Variants in FAM118B observed in about 807,000 individuals in gnomAD.
FAM118B encodes SIR2 antiphage like 1, also known as protein FAM118B.
FAM118B carries 24 observed loss-of-function variants against 38.5 expected under a neutral mutation model. That is an observed-to-expected ratio of 0.62 (90% CI 0.45 to 0.88). The LOEUF is 0.88. Ranked by LOEUF, FAM118B falls within the 40% of genes least tolerant of loss-of-function variation. The probability of loss-of-function intolerance (pLI) is 0.00; values close to 1 mark genes in which losing one functional copy is unlikely to be tolerated. For synonymous variants in FAM118B, 138 were observed against 156.3 expected, an observed-to-expected ratio of 0.88 and a Z score of 0.87; for missense variants, 334 against 420.0, an observed-to-expected ratio of 0.80 and a Z score of 1.79.
At chr11:126,224,475 C>CAAAA (rs58005174) in intron 1 of FAM118B, among the ~76,000 whole-genome samples, 2 of 93,246 alleles carry the variant, frequency 2.1e-5, no homozygotes, top group Non-Finnish European at 4.1e-5. Context: ...GACCCTGTCT[C>CAAAA]AAAAAAAAAA....
intron 7 of FAM118B, among the ~76,000 whole-genome samples, chr11:126,257,978 C>T (rs1190515633): frequency 2.0e-5 from 3 of 152,134 alleles, no homozygotes; most frequent in Non-Finnish European, 4.4e-5. Context: ...TTCAAAACCT[C>T]ACATTGCCAG....
rs375152749 is a variant in FAM118B at position 126,256,886 on chromosome 11, G to C, written c.982+34G>C. The C allele has an allele frequency of 2.0e-5, 31 of 1,574,098 alleles. No homozygotes were observed. Among genetic ancestry groups the C allele is most frequent in the Admixed American group, 3.6e-5 (2 of 55,414 alleles). On this transcript the variant is annotated intron_variant, in intron 7 of 8. Transcript: ENST00000533050. This position sits in a 1 kb window ranked among gnomAD's most constrained non-coding sequence, Gnocchi z 6.6. The stretch of plus-strand genomic sequence containing the variant: ...CATTTTGAAGCTGAGGGGAATCAGA[G>C]AACAACAGCTCTTCAGCCTTTTGTG...
At chr11:126,233,862 T>A (rs140537857) in intron 2 of FAM118B, 71 of 399,296 alleles carry the variant, frequency 1.8e-4, no homozygotes, top group African/African-American at 1.4e-3. Flanking sequence ...GCTGGAAGAT[T>A]ACTTGAGCTC....
chr11:126,247,031 G>A (rs566313578), intron 4 of FAM118B, among the ~76,000 whole-genome samples: 24 of 152,298 alleles, frequency 1.6e-4, no homozygotes, highest in African/African-American at 5.3e-4. Flanking sequence ...GGTGGTACAC[G>A]CCTGTGGTCC....
chr11:126,216,239 GGTGGTGT>G (rs1591498333), intron 1 of FAM118B, among the ~76,000 whole-genome samples: 2 of 151,868 alleles, frequency 1.3e-5, no homozygotes, highest in African/African-American at 2.4e-5. Flanking sequence ...AGCTGAGCAT[GGTGGTGT>G]GTGCCTGTAA....
In FAM118B at chr11:126,254,340, C is replaced by G. The variant is rs556956779; in HGVS notation, c.603C>G (p.Ser201Arg). Residue 201 changes from serine (S) to arginine (R), a missense_variant, in exon 6 of 9, where the codon AGC becomes AGG. Physicochemically the swap from Ser to Arg is moderately radical, Grantham distance 110 (BLOSUM62 -1). This residue lies in a region of FAM118B where 240 missense variants were observed against 295.9 expected (regional missense o/e 0.81). Transcript: ENST00000533050. ...LEWAQEKRKLSVLHIHGVYTN... is the reference protein window; with the variant it reads ...LEWAQEKRKLRVLHIHGVYTN... ...GGGCTCAGGAGAAGCGTAAGCTGAG[C>G]GTGTTGCATATTCACGGAGTCTACA... is the stretch of plus-strand genomic sequence containing the variant. 1 of 1,613,586 alleles carries G rather than the reference C, an allele frequency of 6.2e-7. No individual in the cohort carries two copies. The highest frequency in any genetic ancestry group is 2.2e-5 in the East Asian group (1 of 44,838).
At chr11:126,254,531 AG>A in intron 6 of FAM118B, 98 bp downstream of exon 6, 2 of 1,506,928 alleles carry the variant, frequency 1.3e-6, no homozygotes, top group Non-Finnish European at 1.8e-6. Context: ...CTTTTCATTA[AG>A]TGAAAACGGA....
intron 4 of FAM118B, among the ~76,000 whole-genome samples, chr11:126,249,969 A>G (rs1200693460): frequency 6.6e-6 from 1 of 151,956 alleles, no homozygotes; most frequent in Non-Finnish European, 1.5e-5. Context: ...AAAAATGCCT[A>G]TTTTAGGAAG....
At chr11:126,229,327 T>C (rs1950180080) in intron 2 of FAM118B, 34 bp downstream of exon 2, 1 of 152,244 alleles carries the variant, frequency 6.6e-6, no homozygotes, top group Non-Finnish European at 1.5e-5. Context: ...CAACTTCTAA[T>C]TCAAATTAGG....
intron 1 of FAM118B, chr11:126,214,516 T>TTTTTTTTTTTTTTTTTG (rs1949952721): frequency 1.1e-5 from 1 of 92,512 alleles, no homozygotes; most frequent in African/African-American, 3.8e-5. Flanking sequence ...TTTTTTTTGT[T>TTTTTTTTTTTTTTTTTG]TTTTTTTTTT....
rs117887583 is a variant in FAM118B at position 126,229,302 on chromosome 11, A to G, written c.-8+9A>G. 6.6e-6 allele frequency: 1 copy of G among 152,236 alleles called. No individual in the cohort carries two copies. The highest frequency in any genetic ancestry group is 1.5e-5 in the Non-Finnish European group (1 of 68,048). The allele number at this position is 152,236 out of a possible 1,614,324, so 9.4% of individuals were successfully genotyped here. The stretch of plus-strand genomic sequence containing the variant: ...TTGTCATTCTTTGCACGGTAAAATC[A>G]TCACCTCCAGTCACCAACTTCTAAT... On this transcript the variant is annotated intron_variant, in intron 2 of 8. Coordinates refer to ENST00000533050, the MANE Select transcript of FAM118B (RefSeq NM_024556.4).
chr11:126,218,673 T>C (rs964452895), intron 1 of FAM118B, among the ~76,000 whole-genome samples: 1 of 152,184 alleles, frequency 6.6e-6, no homozygotes, highest in African/African-American at 2.4e-5. Context: ...TCATTTCTGT[T>C]TTGTTTTTTG....
At chr11:126,224,329 C>T (rs369343472) in intron 1 of FAM118B, among the ~76,000 whole-genome samples, 5 of 151,758 alleles carry the variant, frequency 3.3e-5, no homozygotes, top group East Asian at 1.9e-4. Flanking sequence ...AGAAATTAGC[C>T]GGGTATGGTG....
chr11:126,237,453 A>T lies in FAM118B; in HGVS notation c.86+2366A>T, dbSNP rs113487240. On this transcript the variant is annotated intron_variant, in intron 3 of 8. Coordinates refer to ENST00000533050, the MANE Select transcript of FAM118B (RefSeq NM_024556.4). The stretch of plus-strand genomic sequence containing the variant: ...GGTTTTCACCATGTTGACCAGGCTG[A>T]TCTCAAACTCCTGACCTCAAGTGAT... 3.0e-3 allele frequency among the ~76,000 whole-genome samples: 433 copies of T among 142,410 alleles called. 2 individuals are homozygous for T. The highest frequency in any genetic ancestry group is 0.011 in the African/African-American group (417 of 39,140). The allele number at this position is 142,410 out of a possible 152,430, so 93.4% of individuals were successfully genotyped here. A position where few individuals can be genotyped will look rare whatever the true frequency, so the allele number is the denominator to read the frequency against.
At position 126,257,604 on chromosome 11, in the gene FAM118B, C is replaced by CT. The variant is rs1482754314; in HGVS notation, c.982+752_982+753insT. Among the ~76,000 whole-genome samples the CT allele has an allele frequency of 4.7e-5, 5 of 105,896 alleles. No homozygotes were observed. The South Asian group carries it at 1.4e-3, about 30-fold the overall frequency. 69.5% of individuals were successfully genotyped at this position (105,896 alleles called of 152,430 possible). Reference sequence around the variant, plus strand: ...TCAGCTATATTCATATAGAATTGTACATTTTTTTTTTTTTTTTGGTGCGTG... The same window carrying CT: ...TCAGCTATATTCATATAGAATTGTACTATTTTTTTTTTTTTTTTGGTGCGTG... On this transcript the variant is annotated intron_variant, in intron 7 of 8. Coordinates refer to ENST00000533050, the MANE Select transcript of FAM118B (RefSeq NM_024556.4).
chr11:126,261,351 C>T, intron 7 of FAM118B, 74 bp from the exon 8 acceptor site: 1 of 1,227,086 alleles, frequency 8.1e-7, no homozygotes, highest in East Asian at 2.3e-5. Flanking sequence ...TCCTCATCTC[C>T]CTTTAGTTTT....
chr11:126,222,865 A>T (rs1198732151), intron 1 of FAM118B, among the ~76,000 whole-genome samples: 2 of 152,210 alleles, frequency 1.3e-5, no homozygotes, highest in Non-Finnish European at 2.9e-5. Context: ...TAAATTAGAC[A>T]CTGTACTCGC....
intron 4 of FAM118B, 105 bp downstream of exon 4, chr11:126,241,149 A>C: frequency 8.3e-7 from 1 of 1,205,256 alleles, no homozygotes; most frequent in Non-Finnish European, 1.2e-6. Context: ...TGTAACAGGG[A>C]TATTCATTTA....
chr11:126,256,537 A>G lies in FAM118B; in HGVS notation c.697-30A>G, dbSNP rs11220427. 14,453 of 1,603,564 alleles carry G rather than the reference A, an allele frequency of 9.0e-3. 83 individuals carry two copies. Among genetic ancestry groups the G allele is most frequent in the Middle Eastern group, 0.023 (140 of 6,008 alleles). The stretch of plus-strand genomic sequence containing the variant: ...GACTTGCCTTGAGTGTGTCTTCACA[A>G]TGTCAATATGTTGTATCTTTTCCTT... On this transcript the variant is annotated intron_variant, in intron 6 of 8. Transcript: ENST00000533050. This position sits in a 1 kb window ranked among gnomAD's most constrained non-coding sequence, Gnocchi z 6.6.
Sources: gnomAD v4.1 joint callset for allele counts (sites outside exome capture counted in the v4.1 genomes callset) on GRCh38, gnomAD v4.1.1 for gene constraint, gnomAD v4.1.1 regional missense constraint, Gnocchi (gnomAD v3.1) non-coding constraint, MANE v1.5 for transcripts, NCBI Gene and HGNC (gene_info 2026-07-23, HGNC 2026-07-21) for gene names.